Variants in TSHZ2 observed in about 807,000 individuals in gnomAD.
TSHZ2 encodes teashirt zinc finger homeobox 2.
A neutral mutation model predicts 74.4 loss-of-function variants in TSHZ2; 21 were observed. The observed-to-expected ratio is 0.28, with a 90% CI of 0.20 to 0.41. The LOEUF (loss-of-function observed/expected upper bound fraction) is 0.41. TSHZ2 is among the 10% of genes least tolerant of loss of function. The probability of loss-of-function intolerance (pLI) is 1.00; values close to 1 mark genes in which losing one functional copy is unlikely to be tolerated. For synonymous variants in TSHZ2, 540 were observed against 515.3 expected (o/e 1.05, Z -0.65); for missense variants, 1,244 against 1,293.5 (o/e 0.96, Z 0.59).
chr20:53,228,017 G>GTT, intron 1 of TSHZ2, among the ~76,000 whole-genome samples: 1 of 119,310 alleles, frequency 8.4e-6, no homozygotes, highest in Non-Finnish European at 1.7e-5. Context: ...ATTTCAAATG[G>GTT]TGTTTTTTTT....
At chr20:53,334,936 C>T (rs1037786522) in intron 2 of TSHZ2, among the ~76,000 whole-genome samples, 1 of 152,170 alleles carries the variant, frequency 6.6e-6, no homozygotes, top group Non-Finnish European at 1.5e-5. Context: ...CCAGCCTCGG[C>T]CTCTCAAAGG....
At chr20:53,019,275 C>T (rs1983151132) in intron 1 of TSHZ2, among the ~76,000 whole-genome samples, 1 of 150,662 alleles carries the variant, frequency 6.6e-6, no homozygotes, top group Non-Finnish European at 1.5e-5. Context: ...TTAAAGGAGA[C>T]TTCATTTAAA....
chr20:53,076,005 G>A (rs1985353219), intron 1 of TSHZ2, among the ~76,000 whole-genome samples: 1 of 152,214 alleles, frequency 6.6e-6, no homozygotes. Context: ...TCTAGCGAGA[G>A]GTGGTTACAC....
chr20:53,438,352 C>T (rs1055557260), intron 2 of TSHZ2, among the ~76,000 whole-genome samples: 2 of 152,108 alleles, frequency 1.3e-5, no homozygotes, highest in African/African-American at 4.8e-5. Context: ...TCAGGCAATA[C>T]CCAAGTGCTA....
intron 1 of TSHZ2, among the ~76,000 whole-genome samples, chr20:52,979,443 T>C (rs1005204044): frequency 2.6e-5 from 4 of 152,326 alleles, no homozygotes; most frequent in Non-Finnish European, 4.4e-5. Flanking sequence ...TGTGGCCGTA[T>C]CCATATTGCT....
chr20:53,488,957 G>C lies in TSHZ2; in HGVS notation c.*1822G>C, dbSNP rs922808478. On this transcript the variant is annotated 3_prime_UTR_variant, in exon 3 of 3. Transcript: ENST00000371497. Reference sequence around the variant, plus strand: ...TAGATGGGAAAAAATATGGCGCTTCGGGGAAGGAGGGAAAAAGTAAATGAA... The same window carrying C: ...TAGATGGGAAAAAATATGGCGCTTCCGGGAAGGAGGGAAAAAGTAAATGAA... The C allele has an allele frequency of 1.5e-5, 7 of 455,558 alleles. No homozygotes were observed. Among genetic ancestry groups the C allele is most frequent in the Non-Finnish European group, 2.6e-5 (6 of 226,604 alleles). The allele number at this position is 455,558 out of a possible 1,614,324, so 28.2% of individuals were successfully genotyped here.
At chr20:53,288,967 C>A (rs1242259676) in intron 2 of TSHZ2, among the ~76,000 whole-genome samples, 1 of 152,026 alleles carries the variant, frequency 6.6e-6, no homozygotes, top group Non-Finnish European at 1.5e-5. Flanking sequence ...CCCTCACCAC[C>A]CCCCACCCTT....
chr20:53,006,808 G>A (rs1372785535), intron 1 of TSHZ2, among the ~76,000 whole-genome samples: 1 of 152,060 alleles, frequency 6.6e-6, no homozygotes, highest in South Asian at 2.1e-4. Context: ...ATATTAATCT[G>A]TCATGTTGGG....
intron 1 of TSHZ2, chr20:53,178,011 G>A (rs1252003636): frequency 6.6e-6 from 1 of 152,264 alleles, no homozygotes; most frequent in East Asian, 1.9e-4. Context: ...CTCCCCGTTA[G>A]CTGTCACTGT....
intron 1 of TSHZ2, among the ~76,000 whole-genome samples, chr20:53,087,651 A>G (rs938079076): frequency 6.6e-6 from 1 of 152,014 alleles, no homozygotes; most frequent in African/African-American, 2.4e-5. Flanking sequence ...TCTTGGTAAA[A>G]CTCTTGGAAA....
intron 1 of TSHZ2, among the ~76,000 whole-genome samples, chr20:53,151,902 A>G (rs1203199163): frequency 6.6e-6 from 1 of 152,270 alleles, no homozygotes; most frequent in Admixed American, 6.5e-5. Flanking sequence ...AATAATATGT[A>G]TGAATATATT....
chr20:53,191,776 A>G (rs1282142389), intron 1 of TSHZ2, among the ~76,000 whole-genome samples: 1 of 152,230 alleles, frequency 6.6e-6, no homozygotes, highest in Admixed American at 6.5e-5. Flanking sequence ...TACCGAACAG[A>G]AAGTACTGTA....
At chr20:53,185,820 T>G (rs578093055) in intron 1 of TSHZ2, 1 of 1,102,232 alleles carries the variant, frequency 9.1e-7, no homozygotes, top group South Asian at 1.5e-5. Context: ...AGTAATTTAA[T>G]TGAGTTTTTA....
At chr20:53,248,407 GA>G (rs1296052132) in intron 1 of TSHZ2, among the ~76,000 whole-genome samples, 1 of 151,970 alleles carries the variant, frequency 6.6e-6, no homozygotes, top group Non-Finnish European at 1.5e-5. Flanking sequence ...ATTTCTCTAA[GA>G]AGAAAATAAA....
intron 2 of TSHZ2, among the ~76,000 whole-genome samples, chr20:53,257,458 TA>T (rs1214245744): frequency 6.6e-6 from 1 of 152,236 alleles, no homozygotes; most frequent in Non-Finnish European, 1.5e-5. Context: ...CCATGCCTTA[TA>T]TAGTCAACCA....
At chr20:53,404,319 G>T (rs916201677) in intron 2 of TSHZ2, among the ~76,000 whole-genome samples, 1 of 152,178 alleles carries the variant, frequency 6.6e-6, no homozygotes, top group Non-Finnish European at 1.5e-5. Flanking sequence ...CAATTAACAT[G>T]TTAATGACAT....
At chr20:53,044,140 T>C (rs1306063894) in intron 1 of TSHZ2, among the ~76,000 whole-genome samples, 1 of 152,228 alleles carries the variant, frequency 6.6e-6, no homozygotes, top group African/African-American at 2.4e-5. Context: ...TTTCTGATTT[T>C]GGATTGTTTC....
chr20:53,157,954 G>A (rs1281735930), intron 1 of TSHZ2, among the ~76,000 whole-genome samples: 1 of 151,730 alleles, frequency 6.6e-6, no homozygotes, highest in African/African-American at 2.4e-5. Flanking sequence ...TGAATTTCAG[G>A]TAGTGAACAC....
intron 1 of TSHZ2, chr20:53,185,524 G>A (rs908873220): frequency 2.1e-6 from 3 of 1,412,762 alleles, no homozygotes; most frequent in Non-Finnish European, 2.8e-6. Flanking sequence ...TGAGGCAGGA[G>A]AATTCCTTGA....
Sources: gnomAD v4.1 joint callset for allele counts (sites outside exome capture counted in the v4.1 genomes callset) on GRCh38, gnomAD v4.1.1 for gene constraint, MANE v1.5 for transcripts, NCBI Gene and HGNC (gene_info 2026-07-23, HGNC 2026-07-21) for gene names.